USP37: variants seen among roughly 807,000 people sequenced by gnomAD.
USP37 encodes ubiquitin specific peptidase 37, also known as ubiquitin carboxyl-terminal hydrolase 37.
A neutral mutation model predicts 124.0 loss-of-function variants in USP37; 27 were observed. The observed-to-expected ratio is 0.22, with a 90% CI of 0.16 to 0.30. USP37 has a LOEUF of 0.30. Among genes scored for constraint, USP37 ranks in the 10% least tolerant of loss-of-function variants. USP37 has a pLI of 1.00. For missense variants in USP37, 889 were observed against 1,140.4 expected, an observed-to-expected ratio of 0.78 and a Z score of 3.17; for synonymous variants, 365 against 388.0, an observed-to-expected ratio of 0.94 and a Z score of 0.70.
rs1031001591 is a variant in USP37, at chr2:218,452,061, A to T, written c.*2869T>A. 6 of 152,650 alleles carry T rather than the reference A, an allele frequency of 3.9e-5. No individual in the cohort carries two copies. Among genetic ancestry groups the T allele is most frequent in the Non-Finnish European group, 7.3e-5 (5 of 68,044 alleles). The allele number at this position is 152,650 out of a possible 1,614,324, so 9.5% of individuals were successfully genotyped here. ...AATTAACAGCATCCAGCCACATGCA[A>T]CTTTCCAACCTTCAGTACTATTAGG... On this transcript the variant is annotated 3_prime_UTR_variant, in exon 26 of 26. Coordinates refer to ENST00000258399, the MANE Select transcript of USP37 (RefSeq NM_020935.3).
intron 10 of USP37, among the ~76,000 whole-genome samples, chr2:218,515,148 G>C (rs2106007937): frequency 6.6e-6 from 1 of 152,058 alleles, no homozygotes; most frequent in South Asian, 2.1e-4. Flanking sequence ...ATCAGGGTCT[G>C]CAAGCTACCA....
chr2:218,477,198 C>T (rs918384449), intron 18 of USP37, among the ~76,000 whole-genome samples: 1 of 152,210 alleles, frequency 6.6e-6, no homozygotes, highest in African/African-American at 2.4e-5. Flanking sequence ...TACGTATCAT[C>T]AGTAAACTAA....
At chr2:218,493,369 T>C (rs770125023) in intron 14 of USP37, among the ~76,000 whole-genome samples, 7 of 152,218 alleles carry the variant, frequency 4.6e-5, no homozygotes, top group Non-Finnish European at 1.0e-4. Context: ...ATTTATTGCA[T>C]TGATGCACAT....
intron 14 of USP37, among the ~76,000 whole-genome samples, chr2:218,489,987 T>C (rs1261354831): frequency 2.0e-5 from 3 of 152,206 alleles, no homozygotes; most frequent in Non-Finnish European, 4.4e-5. Context: ...TCTACAATTA[T>C]CCATGTTAGT....
In USP37 at chr2:218,503,663, C is replaced by T. The variant is rs1252797801; in HGVS notation, c.1026-5506G>A. Among the ~76,000 whole-genome samples the T allele has an allele frequency of 5.3e-5, 8 of 152,104 alleles. No homozygotes were observed. In the South Asian group the frequency reaches 1.2e-3, roughly 24 times the overall value. On this transcript the variant is annotated intron_variant, in intron 11 of 25. Transcript: ENST00000258399. ...CCGGGAGGCGGAGGCTGCAGTGAGC[C>T]GAGATCGCACCGTTGCACTCCAGCC...
chr2:218,537,921 TG>T, intron 8 of USP37, among the ~76,000 whole-genome samples: 2 of 152,328 alleles, frequency 1.3e-5, no homozygotes, highest in African/African-American at 4.8e-5. Context: ...ATCTGACTGA[TG>T]GTCATCAAGG....
In USP37 at chr2:218,568,351, C is replaced by G. The variant is rs906788006; in HGVS notation, c.-403G>C. 1 of 152,646 alleles carries G rather than the reference C, an allele frequency of 6.6e-6. No individual in the cohort carries two copies. Among genetic ancestry groups the G allele is most frequent in the Non-Finnish European group, 1.5e-5 (1 of 68,170 alleles). The allele number at this position is 152,646 out of a possible 1,614,324, so 9.5% of individuals were successfully genotyped here. ...GGCGGGAACTGTGACCACACGCAAA[C>G]ACGCACGCACGCACGCACACTCGAC... On this transcript the variant is annotated 5_prime_UTR_variant, in exon 1 of 26. Transcript: ENST00000258399.
At chr2:218,502,151 T>C (rs753326670) in intron 11 of USP37, among the ~76,000 whole-genome samples, 1 of 151,966 alleles carries the variant, frequency 6.6e-6, no homozygotes, top group Non-Finnish European at 1.5e-5. Flanking sequence ...AAGAAGAACT[T>C]AAACAGGAGA....
chr2:218,452,875 T>C lies in USP37; in HGVS notation c.*2055A>G, dbSNP rs1294731889. The C allele has an allele frequency of 6.6e-6, 1 of 152,196 alleles. No individual in the cohort carries two copies. Among genetic ancestry groups the C allele is most frequent in the Non-Finnish European group, 1.5e-5 (1 of 68,034 alleles). 9.4% of individuals were successfully genotyped at this position (152,196 alleles called of 1,614,324 possible). ...CTAGCCAAAGAATTTTATCACCGCT[T>C]CACTCATTTATAAGAAAACCAATTA... is the stretch of plus-strand genomic sequence containing the variant. On this transcript the variant is annotated 3_prime_UTR_variant, in exon 26 of 26. Transcript: ENST00000258399.
In USP37 at chr2:218,450,864, T is replaced by A. The variant is rs1689459386; in HGVS notation, c.*4066A>T. The stretch of plus-strand genomic sequence containing the variant: ...CTTATATTCAGACTGGCACACTTTT[T>A]AAATAAAAACTCCATACACCTCAGA... On this transcript the variant is annotated 3_prime_UTR_variant, in exon 26 of 26. Transcript: ENST00000258399. 1 of 152,196 alleles carries A rather than the reference T, an allele frequency of 6.6e-6. No homozygotes were observed. Among genetic ancestry groups the A allele is most frequent in the African/African-American group, 2.4e-5 (1 of 41,452 alleles). The allele number at this position is 152,196 out of a possible 1,614,324, so 9.4% of individuals were successfully genotyped here.
intron 10 of USP37, among the ~76,000 whole-genome samples, chr2:218,518,872 A>G (rs1690439281): frequency 6.6e-6 from 1 of 152,140 alleles, no homozygotes; most frequent in Non-Finnish European, 1.5e-5. Context: ...CTAGATAGTA[A>G]ATAGTGCCAC....
At chr2:218,561,975 C>A (rs1190442655) in intron 2 of USP37, among the ~76,000 whole-genome samples, 1 of 152,178 alleles carries the variant, frequency 6.6e-6, no homozygotes, top group Non-Finnish European at 1.5e-5. Context: ...CATCCCCAAC[C>A]CTCCTTAATT....
At chr2:218,490,609 A>T (rs759993514) in intron 14 of USP37, among the ~76,000 whole-genome samples, 170 of 152,166 alleles carry the variant, frequency 1.1e-3, no homozygotes, top group Non-Finnish European at 2.0e-3. Flanking sequence ...GAAAAACATA[A>T]GAGTATATTT....
chr2:218,535,939 C>T (rs757910643), intron 8 of USP37, among the ~76,000 whole-genome samples: 4 of 146,786 alleles, frequency 2.7e-5, no homozygotes, highest in Non-Finnish European at 5.9e-5. Flanking sequence ...ATTGCTTGAA[C>T]CCAGAGGCAG....
chr2:218,544,462 C>A (rs1434665591), intron 8 of USP37, among the ~76,000 whole-genome samples: 1 of 103,746 alleles, frequency 9.6e-6, no homozygotes, highest in African/African-American at 4.0e-5. Flanking sequence ...GAGAGAGAGA[C>A]CCCAATTCTT....
At chr2:218,466,322 T>G in intron 20 of USP37, 146 bp from the exon 21 acceptor site, 2 of 914,906 alleles carry the variant, frequency 2.2e-6, no homozygotes, top group East Asian at 2.7e-5. Flanking sequence ...TTACTAGATC[T>G]ACGTCAGGGT....
intron 20 of USP37, among the ~76,000 whole-genome samples, chr2:218,468,065 T>G (rs1690458885): frequency 6.7e-6 from 1 of 150,074 alleles, no homozygotes; most frequent in Non-Finnish European, 1.5e-5. Flanking sequence ...TTTTTTATAT[T>G]TTTGGTAGAG....
At chr2:218,491,715 G>T (rs1218315687) in intron 14 of USP37, among the ~76,000 whole-genome samples, 2 of 152,144 alleles carry the variant, frequency 1.3e-5, no homozygotes, top group Non-Finnish European at 2.9e-5. Flanking sequence ...ATTATACTGG[G>T]AGAGACAATG....
intron 11 of USP37, among the ~76,000 whole-genome samples, chr2:218,508,685 A>T (rs1325463562): frequency 1.3e-5 from 2 of 152,186 alleles, no homozygotes; most frequent in Non-Finnish European, 2.9e-5. Flanking sequence ...AATGAAGAAC[A>T]AAGGAAATTA....
Sources: allele counts gnomAD v4.1 joint callset (sites outside exome capture counted in the v4.1 genomes callset), GRCh38; gene constraint gnomAD v4.1.1; transcripts MANE v1.5; gene names NCBI Gene and HGNC (gene_info 2026-07-23, HGNC 2026-07-21).